Variants in APPBP2 observed in about 807,000 individuals in gnomAD.
The protein encoded by APPBP2 is amyloid beta precursor protein binding protein 2, also known as amyloid protein-binding protein 2.
Under a neutral mutation model 76.0 loss-of-function variants are expected in APPBP2, and 15 were observed. That is an observed-to-expected ratio of 0.20 (90% CI 0.13 to 0.30). APPBP2 has a LOEUF of 0.30. Ranked by LOEUF, APPBP2 falls within the 10% of genes least tolerant of loss-of-function variation. The pLI is 1.00. For missense variants in APPBP2, 401 were observed against 687.2 expected, an observed-to-expected ratio of 0.58 and a Z score of 4.66; for synonymous variants, 222 against 242.2, an observed-to-expected ratio of 0.92 and a Z score of 0.77.
Position 60,518,358 on chromosome 17 carries a change from CGTGTGTGTGTGTGT to C in APPBP2, c.138+7422_138+7435del, listed in dbSNP as rs59428194. On this transcript the variant is annotated intron_variant, in intron 1 of 12. Transcript: ENST00000083182. ...TACCATGCCCAGCCGTGTGTGCGTG[CGTGTGTGTGTGTGT>C]GTGTGTGTGTGTGTGTGTGTGTGTG... Among the ~76,000 whole-genome samples the C allele has an allele frequency of 7.6e-3, 676 of 89,060 alleles. 8 individuals are homozygous for C. The highest frequency in any genetic ancestry group is 0.025 in the African/African-American group (476 of 19,220). The allele number at this position is 89,060 out of a possible 152,430, so 58.4% of individuals were successfully genotyped here.
chr17:60,500,620 T>G, intron 1 of APPBP2, 133 bp from the exon 2 acceptor site: 1 of 680,976 alleles, frequency 1.5e-6, no homozygotes. Context: ...CACTAACAAA[T>G]TTCTACAATT....
At chr17:60,500,949 T>C (rs2090818424) in intron 1 of APPBP2, among the ~76,000 whole-genome samples, 1 of 152,182 alleles carries the variant, frequency 6.6e-6, no homozygotes, top group Non-Finnish European at 1.5e-5. Flanking sequence ...TCAATAGTAA[T>C]ACAGGATGGC....
chr17:60,496,955 A>T (rs2090780695), intron 2 of APPBP2, among the ~76,000 whole-genome samples: 1 of 152,136 alleles, frequency 6.6e-6, no homozygotes, highest in Non-Finnish European at 1.5e-5. Flanking sequence ...TCCTGACCTC[A>T]GGTGATCCAC....
chr17:60,467,900 T>C (rs984659182), intron 4 of APPBP2, among the ~76,000 whole-genome samples: 3 of 152,132 alleles, frequency 2.0e-5, no homozygotes, highest in Non-Finnish European at 4.4e-5. Flanking sequence ...CCAATTCATC[T>C]AGACTACAGT....
chr17:60,496,606 A>C (rs1302818981), intron 2 of APPBP2, among the ~76,000 whole-genome samples: 1 of 152,178 alleles, frequency 6.6e-6, no homozygotes, highest in East Asian at 1.9e-4. Flanking sequence ...CTTATTTATT[A>C]GATTTTTTTT....
intron 3 of APPBP2, among the ~76,000 whole-genome samples, 168 bp from the exon 4 acceptor site, chr17:60,479,439 T>G (rs1291260169): frequency 1.3e-5 from 2 of 152,248 alleles, no homozygotes; most frequent in Non-Finnish European, 2.9e-5. Flanking sequence ...TATAAAGGTT[T>G]TGAACTACGG....
intron 10 of APPBP2, among the ~76,000 whole-genome samples, chr17:60,455,806 C>T (rs1223595442): frequency 7.6e-6 from 1 of 131,448 alleles, no homozygotes; most frequent in African/African-American, 4.5e-5. Context: ...GAGACAGAGT[C>T]TCGTTCTGTT....
intron 3 of APPBP2, among the ~76,000 whole-genome samples, chr17:60,491,759 A>G (rs546876214): frequency 6.6e-6 from 1 of 152,230 alleles, no homozygotes; most frequent in African/African-American, 2.4e-5. Context: ...ATTCAGTTTT[A>G]AAAGGAAAAC....
At chr17:60,453,891 G>C (rs1330317133) in intron 11 of APPBP2, among the ~76,000 whole-genome samples, 1 of 151,042 alleles carries the variant, frequency 6.6e-6, no homozygotes, top group Non-Finnish European at 1.5e-5. Context: ...GTTTGTTTTA[G>C]AGATAGGGTC....
chr17:60,447,625 GCAC>G lies in APPBP2; in HGVS notation c.1711_1713del (p.Val571del). The G allele has an allele frequency of 2.5e-6, 4 of 1,614,064 alleles. No homozygotes were observed. Among genetic ancestry groups the G allele is most frequent in the Non-Finnish European group, 3.4e-6 (4 of 1,180,012 alleles). On this transcript the variant is annotated inframe_deletion, in exon 13 of 13. Transcript: ENST00000083182. ...ACATTCTGAGAAATCAGGAAGGACT[GCAC>G]CACTTCTTCAGTGGACTGGGGGCTG...
chr17:60,520,992 C>T (rs73330243), intron 1 of APPBP2, among the ~76,000 whole-genome samples: 1 of 152,196 alleles, frequency 6.6e-6, no homozygotes, highest in African/African-American at 2.4e-5. Flanking sequence ...ACAGGCACGA[C>T]CGCAGCTAGC....
At chr17:60,510,764 G>A (rs1327869400) in intron 1 of APPBP2, among the ~76,000 whole-genome samples, 2 of 152,096 alleles carry the variant, frequency 1.3e-5, no homozygotes, top group Admixed American at 6.6e-5. Flanking sequence ...CATTATATTA[G>A]AATATTGATA....
At chr17:60,507,354 T>G (rs1055689171) in intron 1 of APPBP2, among the ~76,000 whole-genome samples, 3 of 152,050 alleles carry the variant, frequency 2.0e-5, no homozygotes, top group Non-Finnish European at 4.4e-5. Flanking sequence ...CCCAAATAGC[T>G]GGGATTAAAG....
chr17:60,511,884 AT>A (rs1360756810), intron 1 of APPBP2, among the ~76,000 whole-genome samples: 1 of 151,986 alleles, frequency 6.6e-6, no homozygotes, highest in Non-Finnish European at 1.5e-5. Context: ...ATAAAGATAT[AT>A]TTTTTCCCAC....
At chr17:60,501,820 T>G (rs938341599) in intron 1 of APPBP2, among the ~76,000 whole-genome samples, 1 of 152,110 alleles carries the variant, frequency 6.6e-6, no homozygotes, top group Non-Finnish European at 1.5e-5. Flanking sequence ...TAATAAAACC[T>G]CAGCACACTC....
rs1250514734 is a variant in APPBP2, at chr17:60,457,853, AT to A, written c.1062-1473del. Among the ~76,000 whole-genome samples the A allele has an allele frequency of 3.3e-5, 5 of 152,344 alleles. No homozygotes were observed. In the South Asian group the frequency reaches 1.0e-3, roughly 32 times the overall value. On this transcript the variant is annotated intron_variant, in intron 9 of 12. Coordinates refer to ENST00000083182, the MANE Select transcript of APPBP2 (RefSeq NM_006380.5). Reference sequence around the variant, plus strand: ...CCCATTTAATGTGTACAATTCAATGATTTTTAGTGTATTCACAGAGTAGTAT... The same window carrying A: ...CCCATTTAATGTGTACAATTCAATGATTTTAGTGTATTCACAGAGTAGTAT...
intron 2 of APPBP2, among the ~76,000 whole-genome samples, chr17:60,498,353 A>G (rs539081927): frequency 5.9e-5 from 9 of 152,038 alleles, no homozygotes; most frequent in Non-Finnish European, 1.3e-4. Flanking sequence ...CTGCCACAAT[A>G]TTTTTACTAT....
chr17:60,492,428 G>GA (rs1033420351), intron 3 of APPBP2, among the ~76,000 whole-genome samples: 5 of 152,174 alleles, frequency 3.3e-5, no homozygotes, highest in Admixed American at 1.3e-4. Flanking sequence ...CCGTGTGCCT[G>GA]AAAAAACCAC....
At chr17:60,524,705 A>C (rs1308500224) in intron 1 of APPBP2, among the ~76,000 whole-genome samples, 2 of 152,324 alleles carry the variant, frequency 1.3e-5, no homozygotes, top group East Asian at 3.9e-4. Context: ...TACATACGTA[A>C]GAACATAAAC....
Sources: allele counts gnomAD v4.1 joint callset (sites outside exome capture counted in the v4.1 genomes callset), GRCh38; gene constraint gnomAD v4.1.1; transcripts MANE v1.5; gene names NCBI Gene and HGNC (gene_info 2026-07-23, HGNC 2026-07-21).